The following SLC4A5 variants were observed in gnomAD, a reference collection of about 807,000 sequenced individuals.
SLC4A5 encodes electrogenic sodium bicarbonate cotransporter 4.
Under a neutral mutation model 120.4 loss-of-function variants are expected in SLC4A5, and 96 were observed. The observed-to-expected ratio is 0.80, with a 90% CI of 0.68 to 0.94. The LOEUF is 0.94. Among genes scored for constraint, SLC4A5 ranks in the 40% least tolerant of loss-of-function variants. The probability of loss-of-function intolerance (pLI) is 0.00; values close to 1 mark genes in which losing one functional copy is unlikely to be tolerated. For synonymous variants in SLC4A5, 550 were observed against 571.1 expected, an observed-to-expected ratio of 0.96 and a Z score of 0.53; for missense variants, 1,259 against 1,459.5, an observed-to-expected ratio of 0.86 and a Z score of 2.24.
At chr2:74,240,013 A>G (rs1373624376) in intron 20 of SLC4A5, among the ~76,000 whole-genome samples, 1 of 148,566 alleles carries the variant, frequency 6.7e-6, no homozygotes. Flanking sequence ...TTTTATATAT[A>G]AATTTATTTA....
intron 18 of SLC4A5, among the ~76,000 whole-genome samples, chr2:74,247,664 G>C (rs770139036): frequency 1.3e-5 from 2 of 151,966 alleles, no homozygotes; most frequent in African/African-American, 4.8e-5. Context: ...ACAGGCACCC[G>C]CCGCCACGCC....
chr2:74,322,861 T>C (rs1028037635), intron 5 of SLC4A5, among the ~76,000 whole-genome samples: 2 of 152,072 alleles, frequency 1.3e-5, no homozygotes, highest in African/African-American at 2.4e-5. Context: ...CAAAAACTTC[T>C]AGAGTAAAAC....
At chr2:74,275,679 T>G (rs1344145264) in intron 8 of SLC4A5, among the ~76,000 whole-genome samples, 1 of 152,256 alleles carries the variant, frequency 6.6e-6, no homozygotes, top group Non-Finnish European at 1.5e-5. Context: ...TTTTATCATT[T>G]ATCACATAAC....
intron 12 of SLC4A5, among the ~76,000 whole-genome samples, chr2:74,257,872 C>T (rs1298811041): frequency 6.6e-6 from 1 of 152,192 alleles, no homozygotes; most frequent in Non-Finnish European, 1.5e-5. Context: ...CCACACCTGG[C>T]CATCCAACCA....
chr2:74,277,463 C>T (rs1310589431), intron 8 of SLC4A5, among the ~76,000 whole-genome samples: 1 of 152,112 alleles, frequency 6.6e-6, no homozygotes, highest in Admixed American at 6.5e-5. Flanking sequence ...GCAGGAGAAT[C>T]GCTTGAACCC....
At chr2:74,262,391 C>T (rs1258316308) in intron 10 of SLC4A5, among the ~76,000 whole-genome samples, 159 bp from the exon 11 acceptor site, 1 of 138,794 alleles carries the variant, frequency 7.2e-6, no homozygotes, top group Admixed American at 7.5e-5. Context: ...TTAATTTAAG[C>T]AAGTCAATAG....
Position 74,232,662 on chromosome 2 carries a change from T to G in SLC4A5, c.2596-15A>C, listed in dbSNP as rs1573008414. ...CCGGCAGCCTTCTGCAGGAGCGGGG[T>G]TGGGGGAGGGAGAAGTTTCTGGGGA... On this transcript the variant is annotated splice_polypyrimidine_tract_variant and intron_variant, in intron 23 of 30. Transcript: ENST00000394019. The G allele has an allele frequency of 1.2e-5, 20 of 1,607,952 alleles. No homozygotes were observed. Among genetic ancestry groups the G allele is most frequent in the Non-Finnish European group, 1.7e-5 (20 of 1,178,256 alleles).
intron 8 of SLC4A5, among the ~76,000 whole-genome samples, chr2:74,268,729 C>T (rs1671381075): frequency 6.6e-6 from 1 of 152,192 alleles, no homozygotes; most frequent in African/African-American, 2.4e-5. Context: ...TCTTACATTT[C>T]CCTAAAGTCT....
intron 28 of SLC4A5, 45 bp downstream of exon 28, chr2:74,224,795 G>T (rs1694782531): frequency 1.3e-6 from 2 of 1,582,104 alleles, no homozygotes; most frequent in South Asian, 1.2e-5. Context: ...TGGAGAGAAG[G>T]TCTCTCAATT....
At chr2:74,292,827 T>C (rs1189411549) in intron 7 of SLC4A5, among the ~76,000 whole-genome samples, 1 of 152,162 alleles carries the variant, frequency 6.6e-6, no homozygotes, top group Non-Finnish European at 1.5e-5. Context: ...GGCAAGTCCT[T>C]TCAGACATTC....
At chr2:74,308,711 T>G (rs1260767963) in intron 6 of SLC4A5, among the ~76,000 whole-genome samples, 5 of 151,926 alleles carry the variant, frequency 3.3e-5, no homozygotes, top group Non-Finnish European at 5.9e-5. Context: ...AGCAGAAGTT[T>G]TCAATTTTAA....
intron 24 of SLC4A5, 67 bp downstream of exon 24, chr2:74,232,402 A>T: frequency 6.4e-7 from 1 of 1,557,050 alleles, no homozygotes; most frequent in East Asian, 2.3e-5. Context: ...TGGCAGGCAA[A>T]GCCAGCTTCT....
chr2:74,307,376 CT>C, intron 6 of SLC4A5: 1 of 623,478 alleles, frequency 1.6e-6, no homozygotes, highest in Non-Finnish European at 3.0e-6. Flanking sequence ...CGTGGTTCTT[CT>C]TCATGAAGAG....
intron 2 of SLC4A5, among the ~76,000 whole-genome samples, chr2:74,340,938 A>C (rs990142025): frequency 6.6e-6 from 1 of 152,204 alleles, no homozygotes; most frequent in Admixed American, 6.5e-5. Context: ...ACTGAGACCA[A>C]GGGTGGCTGG....
intron 8 of SLC4A5, among the ~76,000 whole-genome samples, chr2:74,266,058 C>T (rs576691648): frequency 6.6e-6 from 1 of 152,258 alleles, no homozygotes; most frequent in East Asian, 1.9e-4. Context: ...TGGACCATGA[C>T]TATCTAATTC....
intron 21 of SLC4A5, among the ~76,000 whole-genome samples, chr2:74,235,880 C>T (rs569223155): frequency 6.6e-6 from 1 of 152,336 alleles, no homozygotes; most frequent in East Asian, 1.9e-4. Flanking sequence ...TCCAAACCAA[C>T]TCTATGTCCA....
chr2:74,254,715 A>G lies in SLC4A5; in HGVS notation c.1026-9T>C. ...GTAGTATAAACAGAAATCTGCAAAG[A>G]AGATGGAGGAGGAGACAGAGAAGAT... On this transcript the variant is annotated splice_polypyrimidine_tract_variant and intron_variant, in intron 13 of 30. Transcript: ENST00000394019. 4 of 1,591,884 alleles carry G rather than the reference A, an allele frequency of 2.5e-6. No individual in the cohort carries two copies. Among genetic ancestry groups the G allele is most frequent in the Non-Finnish European group, 3.4e-6 (4 of 1,159,966 alleles).
At chr2:74,304,115 C>T (rs1287272541) in intron 7 of SLC4A5, among the ~76,000 whole-genome samples, 2 of 152,192 alleles carry the variant, frequency 1.3e-5, no homozygotes, top group Non-Finnish European at 2.9e-5. Context: ...TCCCAAAGTG[C>T]TGGGATTACA....
chr2:74,257,569 T>C (rs1043842452), intron 12 of SLC4A5, among the ~76,000 whole-genome samples: 5 of 151,990 alleles, frequency 3.3e-5, no homozygotes, highest in African/African-American at 1.2e-4. Context: ...CAAACCCACT[T>C]GTTTTTGTTG....
Sources: allele counts gnomAD v4.1 joint callset (sites outside exome capture counted in the v4.1 genomes callset), GRCh38; gene constraint gnomAD v4.1.1; transcripts MANE v1.5; gene names NCBI Gene and HGNC (gene_info 2026-07-23, HGNC 2026-07-21).